GSE1: variants seen among roughly 807,000 people sequenced by gnomAD.
The protein encoded by GSE1 is Gse1 coiled-coil protein, also known as genetic suppressor element 1.
A neutral mutation model predicts 112.6 loss-of-function variants in GSE1; 32 were observed. The observed-to-expected ratio is 0.28, with a 90% CI of 0.21 to 0.38. The LOEUF (loss-of-function observed/expected upper bound fraction) is 0.38. Ranked by LOEUF, GSE1 falls within the 10% of genes least tolerant of loss-of-function variation. The probability of loss-of-function intolerance (pLI) is 1.00; values close to 1 mark genes in which losing one functional copy is unlikely to be tolerated. For missense variants in GSE1, 2,348 were observed against 1,699.2 expected (o/e 1.38, Z -6.71); for synonymous variants, 1,115 against 735.6 (o/e 1.52, Z -8.35).
At chr16:85,503,719 G>A (rs1238220944) in intron 2 of GSE1, among the ~76,000 whole-genome samples, 1 of 152,164 alleles carries the variant, frequency 6.6e-6, no homozygotes. Flanking sequence ...CAGTGTCGAA[G>A]CAAACCTCGC....
At chr16:85,203,242 T>C (rs566343202) in intron 1 of GSE1, among the ~76,000 whole-genome samples, 28 of 152,008 alleles carry the variant, frequency 1.8e-4, no homozygotes, top group Non-Finnish European at 1.8e-4. Context: ...GCCACCTAGA[T>C]GGAGTGATGG....
chr16:85,360,689 A>G (rs1170932207), intron 2 of GSE1, among the ~76,000 whole-genome samples: 2 of 152,076 alleles, frequency 1.3e-5, no homozygotes, highest in African/African-American at 4.8e-5. Context: ...AGACACAGAC[A>G]CAGTACATAC....
intron 1 of GSE1, among the ~76,000 whole-genome samples, chr16:85,321,459 C>T (rs543300698): frequency 6.6e-6 from 1 of 152,070 alleles, no homozygotes; most frequent in African/African-American, 2.4e-5. Flanking sequence ...TACTGAGGCC[C>T]CTGTTTGTAC....
In GSE1 at chr16:85,654,294, G is replaced by C. The variant is rs756632511; in HGVS notation, c.443G>C (p.Ser148Thr). The C allele has an allele frequency of 6.2e-7, 1 of 1,602,994 alleles. No individual in the cohort carries two copies. The highest frequency in any genetic ancestry group is 2.3e-5 in the East Asian group (1 of 43,860). Reference protein sequence around the residue: ...SESRQDAGSRSSSGGRERLIV... With the variant: ...SESRQDAGSRTSSGGRERLIV... Reference sequence around the variant, plus strand: ...CTCCCGCAGGATGCCGGCTCCAGGAGCAGCAGTGGAGGTCGGGAACGCCTC... The same window carrying C: ...CTCCCGCAGGATGCCGGCTCCAGGACCAGCAGTGGAGGTCGGGAACGCCTC... Residue 148 changes from serine (S) to threonine (T), a missense_variant, in exon 4 of 16, where the codon AGC becomes ACC. Transcript: ENST00000253458.
In GSE1 at chr16:85,633,981, C is replaced by T. The variant is rs529273255; in HGVS notation, c.75C>T (p.Thr25=). 7.9e-5 allele frequency: 128 copies of T among 1,613,204 alleles called. No individual in the cohort carries two copies. In the South Asian group the frequency reaches 8.0e-4, roughly 10 times the overall value. ...MLSTATRTTA[T]VNPLTPSPLN... ...CCACCGCGACCAGGACCACCGCCAC[C>T]GTCAACCCCCTCACCCCCTCGCCGC... Residue 25 remains threonine (T), a synonymous_variant, in exon 2 of 16, where the codon ACC becomes ACT. Transcript: ENST00000253458.
chr16:85,527,422 A>T (rs1014584373), intron 2 of GSE1, among the ~76,000 whole-genome samples: 35 of 152,266 alleles, frequency 2.3e-4, no homozygotes, highest in African/African-American at 8.2e-4. Context: ...ATGAACCGGG[A>T]TTACCGGGGA....
chr16:85,457,746 G>A (rs1325465992), intron 2 of GSE1, among the ~76,000 whole-genome samples: 8 of 152,254 alleles, frequency 5.3e-5, no homozygotes, highest in Non-Finnish European at 1.2e-4. Context: ...TGGGCAGAGT[G>A]GCAGGCTGTA....
chr16:85,169,890 C>A, exon 1 of GSE1: 4 of 984,358 alleles, frequency 4.1e-6, no homozygotes, highest in Non-Finnish European at 4.8e-6. Flanking sequence ...ACCAGTGCGA[C>A]GCGGGCGCAG....
Position 85,470,657 on chromosome 16 carries a change from G to C in GSE1, c.2464+113014G>C, listed in dbSNP as rs376717721. ...TTGTATGGGTGCCCCGGGAAGGGCT[G>C]CACCTTGTGGGTCTCCTCCACAGGG... On this transcript the variant is annotated intron_variant, in intron 2 of 2. Transcript: ENST00000637419. 9.2e-5 allele frequency among the ~76,000 whole-genome samples: 14 copies of C among 152,346 alleles called. 1 individual carries two copies. The highest frequency in any genetic ancestry group is 3.4e-4 in the African/African-American group (14 of 41,582).
intron 1 of GSE1, among the ~76,000 whole-genome samples, chr16:85,224,715 C>T (rs377322291): frequency 2.9e-4 from 44 of 152,110 alleles, no homozygotes; most frequent in East Asian, 1.4e-3. Context: ...GTTGGCTGGG[C>T]GCAGTGGCTC....
intron 2 of GSE1, among the ~76,000 whole-genome samples, chr16:85,645,924 T>TCTAC: frequency 6.7e-6 from 1 of 148,776 alleles, no homozygotes; most frequent in African/African-American, 2.5e-5. Context: ...ATGCATGCAT[T>TCTAC]CTGCCTGCTT....
chr16:85,225,745 G>A (rs531396369), intron 1 of GSE1, among the ~76,000 whole-genome samples: 39 of 152,364 alleles, frequency 2.6e-4, no homozygotes, highest in Non-Finnish European at 4.0e-4. Flanking sequence ...AACACTTGCA[G>A]TATTCGTAAT....
At chr16:85,398,547 G>A (rs368332480) in intron 2 of GSE1, among the ~76,000 whole-genome samples, 1 of 152,114 alleles carries the variant, frequency 6.6e-6, no homozygotes, top group South Asian at 2.1e-4. Flanking sequence ...GTAAAGCGTG[G>A]GAGAACTGCC....
chr16:85,638,094 T>G (rs1201674068), intron 2 of GSE1, among the ~76,000 whole-genome samples: 1 of 152,008 alleles, frequency 6.6e-6, no homozygotes, highest in African/African-American at 2.4e-5. Context: ...ACCCTGACCC[T>G]CCTCTCCAGT....
intron 1 of GSE1, among the ~76,000 whole-genome samples, chr16:85,337,307 C>CTTTTCT (rs2046514696): frequency 7.5e-6 from 1 of 133,524 alleles, no homozygotes; most frequent in Non-Finnish European, 1.6e-5. Flanking sequence ...CTTTTCTTTT[C>CTTTTCT]TTTTTTTTTT....
intron 1 of GSE1, among the ~76,000 whole-genome samples, chr16:85,189,346 A>T (rs2074776042): frequency 6.6e-6 from 1 of 152,224 alleles, no homozygotes. Flanking sequence ...TAGAAAAAAT[A>T]GCTAAAATTT....
intron 2 of GSE1, among the ~76,000 whole-genome samples, chr16:85,366,472 C>A (rs1472130056): frequency 6.6e-6 from 1 of 152,236 alleles, no homozygotes; most frequent in African/African-American, 2.4e-5. Context: ...TCTTGTAATG[C>A]CGGGAGTGCA....
At chr16:85,213,275 A>AG (rs2075256480) in intron 1 of GSE1, among the ~76,000 whole-genome samples, 1 of 151,736 alleles carries the variant, frequency 6.6e-6, no homozygotes, top group African/African-American at 2.4e-5. Context: ...TTCAAAAAAA[A>AG]AAAAAAAAGA....
rs75679465 is a variant in GSE1, at chr16:85,640,597, G to A, written c.226+6465G>A. The stretch of plus-strand genomic sequence containing the variant: ...TCCCACCTGAGTGAGTGGGGACTAC[G>A]TGTGCGGGGACCACGGAGCAGGGAC... On this transcript the variant is annotated intron_variant, in intron 2 of 15. Transcript: ENST00000253458. Among the ~76,000 whole-genome samples the A allele has an allele frequency of 2.3e-3, 354 of 152,334 alleles. 1 individual carries two copies. The East Asian group carries it at 0.025, about 11-fold the overall frequency.
Sources: allele counts gnomAD v4.1 joint callset (sites outside exome capture counted in the v4.1 genomes callset), GRCh38; gene constraint gnomAD v4.1.1; transcripts MANE v1.5; gene names NCBI Gene and HGNC (gene_info 2026-07-23, HGNC 2026-07-21).